Variants in DMD observed in about 807,000 individuals in gnomAD.
The protein encoded by DMD is mutant dystrophin.
Under a neutral mutation model 330.1 loss-of-function variants are expected in DMD, and 63 were observed. The observed-to-expected ratio is 0.19, with a 90% CI of 0.16 to 0.24. The LOEUF (loss-of-function observed/expected upper bound fraction) is 0.24. Among genes scored for constraint, DMD ranks in the 10% least tolerant of loss-of-function variants. The probability of loss-of-function intolerance (pLI) is 1.00; values close to 1 mark genes in which losing one functional copy is unlikely to be tolerated. For synonymous variants in DMD, 1,223 were observed against 959.8 expected (o/e 1.27, Z -5.07); for missense variants, 3,344 against 2,684.1 (o/e 1.25, Z -5.43).
chrX:32,935,041 C>CG (rs1479656786), intron 2 of DMD, among the ~76,000 whole-genome samples: 3 of 113,078 alleles, frequency 2.7e-5, no homozygotes, highest in Admixed American at 9.3e-5. Context: ...CGCAGTGGCG[C>CG]GATCTCGGCT....
chrX:31,859,251 G>A (rs765587291), intron 48 of DMD, among the ~76,000 whole-genome samples: 1 of 111,313 alleles, frequency 9.0e-6, no homozygotes, highest in African/African-American at 3.3e-5. Context: ...AGGAGAGCAA[G>A]GAAATCTAAA....
intron 9 of DMD, among the ~76,000 whole-genome samples, chrX:32,681,281 G>A (rs1156696935): frequency 1.8e-5 from 2 of 111,540 alleles, no homozygotes; most frequent in Non-Finnish European, 3.8e-5. Flanking sequence ...ATTGTAGGAT[G>A]CATAAACTGC....
At chrX:32,538,793 C>A (rs1320925661) in intron 17 of DMD, among the ~76,000 whole-genome samples, 1 of 111,258 alleles carries the variant, frequency 9.0e-6, no homozygotes, top group Non-Finnish European at 1.9e-5. Context: ...CCGACGCATG[C>A]TGAAGCATGA....
intron 1 of DMD, among the ~76,000 whole-genome samples, chrX:33,118,260 G>A (rs5928179): frequency 0.41 from 42,960 of 105,171 alleles, 7,790 homozygotes; most frequent in Non-Finnish European, 0.52. Context: ...ACAGGCGCCC[G>A]CTACCACGCC....
intron 7 of DMD, among the ~76,000 whole-genome samples, chrX:32,721,066 TTGTGTG>T (rs113205688): frequency 1.5e-3 from 161 of 108,847 alleles, no homozygotes; most frequent in Middle Eastern, 4.8e-3. Context: ...GGCTGAATAT[TTGTGTG>T]TGTGTGTGTG....
intron 1 of DMD, among the ~76,000 whole-genome samples, chrX:33,047,246 A>G (rs927292403): frequency 1.2e-4 from 14 of 112,362 alleles, no homozygotes; most frequent in African/African-American, 4.2e-4. Flanking sequence ...GAGAGTAAAC[A>G]ATAGCCACAT....
intron 7 of DMD, among the ~76,000 whole-genome samples, chrX:32,727,110 A>C (rs2066976474): frequency 9.0e-6 from 1 of 111,259 alleles, no homozygotes; most frequent in Admixed American, 9.6e-5. Flanking sequence ...TAGGCATGAT[A>C]TCATCTTTAA....
At chrX:32,219,043 C>T (rs1299107581) in intron 43 of DMD, among the ~76,000 whole-genome samples, 1 of 111,733 alleles carries the variant, frequency 8.9e-6, no homozygotes, top group Non-Finnish European at 1.9e-5. Flanking sequence ...CCTTTAAAAT[C>T]TTGTAAAACA....
chrX:31,320,831 A>G (rs779308068), intron 62 of DMD, among the ~76,000 whole-genome samples: 85 of 112,169 alleles, frequency 7.6e-4, no homozygotes, highest in South Asian at 2.2e-3. Flanking sequence ...ATTGCTCTCC[A>G]TAAGGTTTCA....
At chrX:31,722,238 C>A (rs1248308891) in intron 52 of DMD, among the ~76,000 whole-genome samples, 2 of 110,201 alleles carry the variant, frequency 1.8e-5, no homozygotes, top group Non-Finnish European at 3.8e-5. Flanking sequence ...CCTGCCTCAG[C>A]CTCCCGAGTA....
chrX:31,306,261 A>G, intron 62 of DMD, among the ~76,000 whole-genome samples: 1 of 111,632 alleles, frequency 9.0e-6, no homozygotes, highest in East Asian at 2.8e-4. Flanking sequence ...TTGTTTATAT[A>G]TCTTCTGGTT....
intron 55 of DMD, among the ~76,000 whole-genome samples, chrX:31,555,928 T>C (rs1477102708): frequency 8.9e-6 from 1 of 111,900 alleles, no homozygotes; most frequent in Non-Finnish European, 1.9e-5. Context: ...ATTTGGTCTA[T>C]GAGCCTTTCT....
intron 2 of DMD, among the ~76,000 whole-genome samples, chrX:32,935,656 G>A (rs148857207): frequency 3.8e-4 from 42 of 110,700 alleles, no homozygotes; most frequent in Middle Eastern, 4.7e-3. Flanking sequence ...TCCTTTTTGC[G>A]CTGAATATAG....
At chrX:31,892,222 G>A (rs2094264000) in intron 47 of DMD, among the ~76,000 whole-genome samples, 1 of 111,206 alleles carries the variant, frequency 9.0e-6, no homozygotes, top group Non-Finnish European at 1.9e-5. Flanking sequence ...CCAAAGCAGT[G>A]AAAGAAAATA....
At chrX:32,833,629 C>T (rs17338870) in intron 4 of DMD, among the ~76,000 whole-genome samples, 1,307 of 100,866 alleles carry the variant, frequency 0.013, 46 homozygotes, top group Admixed American at 0.098. Flanking sequence ...GTAACTTTAA[C>T]GACAAAAATC....
At chrX:32,407,556 T>C (rs984984266) in intron 30 of DMD, among the ~76,000 whole-genome samples, 4 of 110,966 alleles carry the variant, frequency 3.6e-5, no homozygotes, top group African/African-American at 1.3e-4. Flanking sequence ...ATTGTGGAAG[T>C]CACTGTGGCG....
At chrX:32,500,812 G>A (rs944369309) in intron 19 of DMD, among the ~76,000 whole-genome samples, 9 of 111,539 alleles carry the variant, frequency 8.1e-5, no homozygotes, top group Non-Finnish European at 1.5e-4. Context: ...AAAATGAATT[G>A]ATTTTCTAGG....
chrX:33,243,223 T>G (rs1043986514), intron 1 of DMD, among the ~76,000 whole-genome samples: 3 of 112,151 alleles, frequency 2.7e-5, no homozygotes, highest in Non-Finnish European at 5.6e-5. Context: ...TCTAGAATTT[T>G]TATAGTTTCA....
chrX:31,907,823 CA>C (rs1448077891), intron 47 of DMD, among the ~76,000 whole-genome samples: 1 of 112,172 alleles, frequency 8.9e-6, no homozygotes, highest in Non-Finnish European at 1.9e-5. Context: ...ACCCATCTGA[CA>C]AAGGGCTAAT....
Sources: gnomAD v4.1 joint callset for allele counts (sites outside exome capture counted in the v4.1 genomes callset) on GRCh38, gnomAD v4.1.1 for gene constraint, MANE v1.5 for transcripts, NCBI Gene and HGNC (gene_info 2026-07-23, HGNC 2026-07-21) for gene names.